LIPE: variants seen among roughly 807,000 people sequenced by gnomAD.
LIPE encodes lipase E, hormone sensitive type, also known as hormone-sensitive lipase.
A neutral mutation model predicts 88.5 loss-of-function variants in LIPE; 66 were observed. The observed-to-expected ratio is 0.75, with a 90% confidence interval of 0.61 to 0.91. The LOEUF (loss-of-function observed/expected upper bound fraction) is 0.91, where lower values mean the gene tolerates loss of function less well. LIPE is among the 40% of genes least tolerant of loss of function. The probability of loss-of-function intolerance (pLI) is 0.00; values close to 1 mark genes in which losing one functional copy is unlikely to be tolerated. For synonymous variants in LIPE, 570 were observed against 617.5 expected (o/e 0.92, Z 1.14); for missense variants, 1,346 against 1,434.7 (o/e 0.94, Z 1.00).
At chr19:42,402,429 C>T (rs1041553101) in intron 9 of LIPE, among the ~76,000 whole-genome samples, 178 bp downstream of exon 9, 5 of 152,136 alleles carry the variant, frequency 3.3e-5, no homozygotes, top group African/African-American at 1.2e-4. Context: ...CGGAGGCAGC[C>T]CTGACTCTTG....
intron 1 of LIPE, chr19:42,424,118 CT>C (rs1568614494): frequency 5.0e-6 from 6 of 1,192,554 alleles, no homozygotes; most frequent in Non-Finnish European, 5.3e-6. Context: ...TTTCCCTCTC[CT>C]GTCTCCTAGT....
intron 1 of LIPE, among the ~76,000 whole-genome samples, chr19:42,420,422 GTC>G (rs1340838983): frequency 1.3e-5 from 2 of 152,150 alleles, no homozygotes; most frequent in Admixed American, 6.5e-5. Flanking sequence ...ATGTATCTGT[GTC>G]TCTGTTTCTC....
At chr19:42,423,963 C>T in intron 1 of LIPE, 2 of 1,168,186 alleles carry the variant, frequency 1.7e-6, no homozygotes, top group Non-Finnish European at 1.1e-6. Context: ...GCCCGGCCCG[C>T]CTTTTGAAGG....
chr19:42,423,467 C>A lies in LIPE; in HGVS notation c.883+2800G>T, dbSNP rs569855473. ...CGCCGGCGACCGTGGCTCCTTGAGC[C>A]CTCTTTGGCATTCTTCGAGGCCGGG... is the stretch of plus-strand genomic sequence containing the variant. On this transcript the variant is annotated intron_variant, in intron 1 of 9. Coordinates refer to ENST00000244289, the MANE Select transcript of LIPE (RefSeq NM_005357.4). 16 of 1,289,008 alleles carry A rather than the reference C, an allele frequency of 1.2e-5. No homozygotes were observed. In the African/African-American group the frequency reaches 2.3e-4, roughly 18 times the overall value. The allele number at this position is 1,289,008 out of a possible 1,614,324, so 79.8% of individuals were successfully genotyped here. A position where few individuals can be genotyped will look rare whatever the true frequency, so the allele number is the denominator to read the frequency against.
In LIPE at chr19:42,407,488, C is replaced by T. The variant is rs756604208; in HGVS notation, c.1843-20G>A. 4.7e-5 allele frequency: 76 copies of T among 1,600,756 alleles called. No homozygotes were observed. The highest frequency in any genetic ancestry group is 1.7e-4 in the Middle Eastern group (1 of 6,018). On this transcript the variant is annotated intron_variant, in intron 5 of 9. Coordinates refer to ENST00000244289, the MANE Select transcript of LIPE (RefSeq NM_005357.4). The surrounding 1 kb of genome is among the most constrained non-coding windows in gnomAD (Gnocchi z 5.8). The stretch of plus-strand genomic sequence containing the variant: ...ACTGTCCTGGGGGTGAGGAGGGAGA[C>T]GGTGTGTGAGGTTGGGGAGAGCTGG...
Position 42,401,843 on chromosome 19 carries a change from C to A in LIPE, c.3200G>T (p.Gly1067Val), listed in dbSNP as rs1297672804. Reference sequence around the variant, plus strand: ...TCGCCCCCCGCAGCCCCCGTCTACCCCCGCAGCCCCCGTCTCCCCGCTCGG... The same window carrying A: ...TCGCCCCCCGCAGCCCCCGTCTACCACCGCAGCCCCCGTCTCCCCGCTCGG... ...AGPSGETGAA[G>V]VDGGCGGRH The change falls in exon 10 of 10, where the codon GGG (glycine) becomes GTG (valine). Residue 1067 changes from glycine to valine, a missense_variant. Coordinates refer to ENST00000244289, the MANE Select transcript of LIPE (RefSeq NM_005357.4). 3 of 1,514,032 alleles carry A rather than the reference C, an allele frequency of 2.0e-6. No individual in the cohort carries two copies. The highest frequency in any genetic ancestry group is 5.1e-5 in the East Asian group (2 of 39,268). 93.8% of individuals were successfully genotyped at this position (1,514,032 alleles called of 1,614,324 possible).
At position 42,412,611 on chromosome 19, in the gene LIPE, C is replaced by T. The variant is rs187456138; in HGVS notation, c.884-1769G>A. ...TCAACTGGTAGTCCTGTTACAGGCT[C>T]CTCTGCCTTAGAACCCAGGAGTCCA... On this transcript the variant is annotated intron_variant, in intron 1 of 9. Transcript: ENST00000244289. 40 of 980,294 alleles carry T rather than the reference C, an allele frequency of 4.1e-5. No individual in the cohort carries two copies. In the African/African-American group the frequency reaches 4.5e-4, roughly 11 times the overall value. The allele number at this position is 980,294 out of a possible 1,614,324, so 60.7% of individuals were successfully genotyped here. A position where few individuals can be genotyped will look rare whatever the true frequency, so the allele number is the denominator to read the frequency against.
At chr19:42,415,805 G>A (rs1190797763) in intron 1 of LIPE, among the ~76,000 whole-genome samples, 4 of 148,986 alleles carry the variant, frequency 2.7e-5, no homozygotes, top group East Asian at 2.0e-4. Flanking sequence ...GTGAGACTCC[G>A]TCTGGAAAAA....
At chr19:42,416,030 G>C (rs1243637098) in intron 1 of LIPE, among the ~76,000 whole-genome samples, 1 of 151,942 alleles carries the variant, frequency 6.6e-6, no homozygotes, top group East Asian at 1.9e-4. Flanking sequence ...AGGAAAGAAG[G>C]CATCTCTGTA....
At position 42,408,356 on chromosome 19, in the gene LIPE, C is replaced by T. The variant is rs373970565; in HGVS notation, c.1420-34G>A. 4 of 1,562,706 alleles carry T rather than the reference C, an allele frequency of 2.6e-6. No individual in the cohort carries two copies. The highest frequency in any genetic ancestry group is 2.7e-5 in the African/African-American group (2 of 73,778). On this transcript the variant is annotated intron_variant, in intron 2 of 9. Transcript: ENST00000244289. This position sits in a 1 kb window ranked among gnomAD's most constrained non-coding sequence, Gnocchi z 4.3. Reference sequence around the variant, plus strand: ...AGACGCGGCTGCGTCACCCACCGCTCAAGAGAGGGATGGGGACAGGGCAGG... The same window carrying T: ...AGACGCGGCTGCGTCACCCACCGCTTAAGAGAGGGATGGGGACAGGGCAGG...
In LIPE at chr19:42,401,560, A is replaced by T; in HGVS notation, c.*252T>A. On this transcript the variant is annotated 3_prime_UTR_variant, in exon 10 of 10. Coordinates refer to ENST00000244289, the MANE Select transcript of LIPE (RefSeq NM_005357.4). ...AACAAACCAAACCGACCTGCAAGGGAGGGCCAGTCCCCGTCCCTGCGGCGG... is the reference window on the plus strand; with the variant it reads ...AACAAACCAAACCGACCTGCAAGGGTGGGCCAGTCCCCGTCCCTGCGGCGG... 1 of 481,136 alleles carries T rather than the reference A, an allele frequency of 2.1e-6. No individual in the cohort carries two copies. Among genetic ancestry groups the T allele is most frequent in the Non-Finnish European group, 3.6e-6 (1 of 274,078 alleles). 29.8% of individuals were successfully genotyped at this position (481,136 alleles called of 1,614,324 possible). A position where few individuals can be genotyped will look rare whatever the true frequency, so the allele number is the denominator to read the frequency against.
intron 1 of LIPE, among the ~76,000 whole-genome samples, chr19:42,417,477 C>T (rs1462108889): frequency 6.6e-6 from 1 of 151,772 alleles, no homozygotes; most frequent in Non-Finnish European, 1.5e-5. Context: ...ATTGCCTAGG[C>T]TGGTTTTGAA....
At position 42,426,288 on chromosome 19, in the gene LIPE, G is replaced by A. The variant is rs368964740; in HGVS notation, c.862C>T (p.His288Tyr). ...TCACCTGTATCCTGGTAGTGTCTGT[G>A]ATTCCGAGCACTGGTTTTCTCATGT... Reference protein sequence around the residue: ...SPHEKTSARNHRHYQDTASRL... With the variant: ...SPHEKTSARNYRHYQDTASRL... Residue 288 changes from histidine to tyrosine, a missense_variant, in exon 1 of 10, where the codon CAC becomes TAC. By Grantham distance (83) the His-to-Tyr change is moderately conservative (BLOSUM62 2). Coordinates refer to ENST00000244289, the MANE Select transcript of LIPE (RefSeq NM_005357.4). 4.4e-6 allele frequency: 7 copies of A among 1,602,484 alleles called. No homozygotes were observed. The highest frequency in any genetic ancestry group is 2.6e-6 in the Non-Finnish European group (3 of 1,170,326).
At position 42,407,066 on chromosome 19, in the gene LIPE, T is replaced by C; in HGVS notation, c.2137+108A>G. On this transcript the variant is annotated intron_variant, in intron 6 of 9. Coordinates refer to ENST00000244289, the MANE Select transcript of LIPE (RefSeq NM_005357.4). This position sits in a 1 kb window ranked among gnomAD's most constrained non-coding sequence, Gnocchi z 5.8. ...ACCTGGGTGAGCAGGAGCTGGGAGGTGTGGGGGGAGAGAAAGGTAGAGGGT... is the reference window on the plus strand; with the variant it reads ...ACCTGGGTGAGCAGGAGCTGGGAGGCGTGGGGGGAGAGAAAGGTAGAGGGT... The C allele has an allele frequency of 1.1e-6, 1 of 924,770 alleles. No homozygotes were observed. The highest frequency in any genetic ancestry group is 1.6e-6 in the Non-Finnish European group (1 of 640,768). The allele number at this position is 924,770 out of a possible 1,614,324, so 57.3% of individuals were successfully genotyped here. A position where few individuals can be genotyped will look rare whatever the true frequency, so the allele number is the denominator to read the frequency against.
chr19:42,427,251 G>A lies in LIPE; in HGVS notation c.-102C>T. On this transcript the variant is annotated 5_prime_UTR_variant, in exon 1 of 10. Transcript: ENST00000244289. The stretch of plus-strand genomic sequence containing the variant: ...AGATCTCTCATTGATTCCTCATGAT[G>A]GCACTTCCTCTTGGGTTTCACTCCA... 6.9e-7 allele frequency: 1 copy of A among 1,449,860 alleles called. No homozygotes were observed. The highest frequency in any genetic ancestry group is 9.0e-7 in the Non-Finnish European group (1 of 1,105,696). The allele number at this position is 1,449,860 out of a possible 1,614,324, so 89.8% of individuals were successfully genotyped here. A position where few individuals can be genotyped will look rare whatever the true frequency, so the allele number is the denominator to read the frequency against.
At chr19:42,417,099 T>C (rs1328160866) in intron 1 of LIPE, among the ~76,000 whole-genome samples, 2 of 152,056 alleles carry the variant, frequency 1.3e-5, no homozygotes, top group Admixed American at 1.3e-4. Flanking sequence ...TTTTTGTATT[T>C]TTAGTAGAGA....
At chr19:42,413,194 C>T (rs531308483) in intron 1 of LIPE, among the ~76,000 whole-genome samples, 80 of 152,358 alleles carry the variant, frequency 5.3e-4, no homozygotes, top group Middle Eastern at 3.4e-3. Context: ...TGCACGCCCC[C>T]GTTATTTTCT....
In LIPE at chr19:42,407,263, T is replaced by C; in HGVS notation, c.2048A>G (p.Tyr683Cys). The C allele has an allele frequency of 1.2e-6, 2 of 1,601,660 alleles. No individual in the cohort carries two copies. Among genetic ancestry groups the C allele is most frequent in the Non-Finnish European group, 1.7e-6 (2 of 1,174,584 alleles). The change falls in exon 6 of 10, where the codon TAC becomes TGC. Residue 683 changes from tyrosine to cysteine, a missense_variant. Tyr to Cys is a radical substitution (Grantham distance 194, BLOSUM62 -2). Coordinates refer to ENST00000244289, the MANE Select transcript of LIPE (RefSeq NM_005357.4). The surrounding 1 kb of genome is among the most constrained non-coding windows in gnomAD (Gnocchi z 5.8). Reference protein sequence around the residue: ...ELGAPIISIDYSLAPEAPFPR... With the variant: ...ELGAPIISIDCSLAPEAPFPR... Reference sequence around the variant, plus strand: ...GAAGGGGGCCTCAGGGGCCAGGGAGTAGTCGATGGAGATGATGGGGGCGCC... The same window carrying C: ...GAAGGGGGCCTCAGGGGCCAGGGAGCAGTCGATGGAGATGATGGGGGCGCC...
rs1451735451 is a variant in LIPE, at chr19:42,414,843, C to A, written c.884-4001G>T. On this transcript the variant is annotated intron_variant, in intron 1 of 9. Transcript: ENST00000244289. This position sits in a 1 kb window ranked among gnomAD's most constrained non-coding sequence, Gnocchi z 4.6. ...CACCAACCATGTCCACGTAAGAGGGCGAACTTTACCGATTAATGCTGTGTG... is the reference window on the plus strand; with the variant it reads ...CACCAACCATGTCCACGTAAGAGGGAGAACTTTACCGATTAATGCTGTGTG... Among the ~76,000 whole-genome samples, 3 of 152,200 alleles carry A rather than the reference C, an allele frequency of 2.0e-5. No homozygotes were observed. The highest frequency in any genetic ancestry group is 4.4e-5 in the Non-Finnish European group (3 of 68,044).
Sources: allele counts gnomAD v4.1 joint callset (sites outside exome capture counted in the v4.1 genomes callset), GRCh38; gene constraint gnomAD v4.1.1; non-coding constraint Gnocchi (gnomAD v3.1); transcripts MANE v1.5; gene names NCBI Gene and HGNC (gene_info 2026-07-23, HGNC 2026-07-21).